The following NBEA variants were observed in gnomAD, a reference collection of about 807,000 sequenced individuals.
NBEA encodes neurobeachin.
A neutral mutation model predicts 343.4 loss-of-function variants in NBEA; 44 were observed. That is an observed-to-expected ratio of 0.13 (90% CI 0.10 to 0.16). NBEA has a LOEUF of 0.16. NBEA is among the 10% of genes least tolerant of loss of function. The pLI, the probability that NBEA is intolerant of heterozygous loss-of-function variation, is 1.00. For synonymous variants in NBEA, 1,175 were observed against 1,238.7 expected (o/e 0.95, Z 1.08); for missense variants, 2,555 against 3,631.3 (o/e 0.70, Z 7.62).
intron 38 of NBEA, among the ~76,000 whole-genome samples, chr13:35,358,700 A>G (rs997614573): frequency 1.3e-5 from 2 of 150,934 alleles, no homozygotes; most frequent in African/African-American, 4.9e-5. Context: ...CCTGGGCAAC[A>G]CAGCAAGACT....
chr13:35,396,230 C>G (rs898163268), intron 38 of NBEA, among the ~76,000 whole-genome samples: 6 of 151,888 alleles, frequency 4.0e-5, no homozygotes, highest in Admixed American at 3.3e-4. Flanking sequence ...TCTCTGCCTT[C>G]CAATTAGAAT....
At chr13:35,354,176 G>A (rs554614811) in intron 38 of NBEA, among the ~76,000 whole-genome samples, 59 of 152,274 alleles carry the variant, frequency 3.9e-4, no homozygotes, top group African/African-American at 1.4e-3. Context: ...TTATAGCCTA[G>A]CCAGGTTGAC....
At chr13:35,467,684 G>A (rs10161587) in intron 40 of NBEA, among the ~76,000 whole-genome samples, 37,985 of 151,952 alleles carry the variant, frequency 0.25, 4,819 homozygotes, top group South Asian at 0.35. Context: ...TCTAAATAAT[G>A]TCAGGATTTT....
chr13:35,082,012 A>C (rs1393088435), intron 10 of NBEA, among the ~76,000 whole-genome samples: 2 of 152,164 alleles, frequency 1.3e-5, no homozygotes, highest in Non-Finnish European at 2.9e-5. Flanking sequence ...GGTGTGCTGC[A>C]CCCATTAACT....
chr13:35,552,698 A>G (rs1267015180), intron 43 of NBEA, among the ~76,000 whole-genome samples: 1 of 152,152 alleles, frequency 6.6e-6, no homozygotes, highest in Admixed American at 6.5e-5. Flanking sequence ...ATATTTCTCA[A>G]TGACCATGAT....
chr13:35,351,146 C>T (rs2040176050), intron 37 of NBEA, among the ~76,000 whole-genome samples: 1 of 151,746 alleles, frequency 6.6e-6, no homozygotes. Flanking sequence ...TAGTGTATAT[C>T]AATAGATAAA....
chr13:35,629,486 A>G (rs1215299309), intron 49 of NBEA, among the ~76,000 whole-genome samples: 1 of 152,128 alleles, frequency 6.6e-6, no homozygotes, highest in Non-Finnish European at 1.5e-5. Context: ...TGATCCTTGG[A>G]CCCTTAGGGC....
At chr13:35,295,159 A>T in intron 35 of NBEA, among the ~76,000 whole-genome samples, 1 of 148,516 alleles carries the variant, frequency 6.7e-6, no homozygotes, top group Middle Eastern at 3.6e-3. Context: ...TAAATATAAT[A>T]TTTATTTGTT....
intron 48 of NBEA, among the ~76,000 whole-genome samples, chr13:35,624,814 T>C (rs536322974): frequency 3.4e-4 from 51 of 151,922 alleles, no homozygotes; most frequent in Non-Finnish European, 5.4e-4. Flanking sequence ...CACACACATA[T>C]CTAGACATGA....
chr13:35,104,230 C>G (rs1300607651), intron 11 of NBEA, among the ~76,000 whole-genome samples: 2 of 151,860 alleles, frequency 1.3e-5, no homozygotes, highest in Non-Finnish European at 2.9e-5. Context: ...TATATGATGC[C>G]TTATCACAGA....
intron 38 of NBEA, among the ~76,000 whole-genome samples, chr13:35,387,682 AG>A (rs1705606076): frequency 6.6e-6 from 1 of 152,156 alleles, no homozygotes; most frequent in Non-Finnish European, 1.5e-5. Context: ...ACTTTAAGTT[AG>A]CCTGAAAAGG....
At position 35,290,373 on chromosome 13, in the gene NBEA, C is replaced by T; in HGVS notation, c.5777-16C>T. The T allele has an allele frequency of 2.6e-6, 4 of 1,568,196 alleles. No homozygotes were observed. The African/African-American group carries it at 4.1e-5, about 16-fold the overall frequency. On this transcript the variant is annotated splice_polypyrimidine_tract_variant and intron_variant, in intron 34 of 58. Transcript: ENST00000379939. The stretch of plus-strand genomic sequence containing the variant: ...CCATTGTAATTTCATTTTGTTTTAA[C>T]CTTTCTTTGTTGTAGGCCTTGTTTG...
intron 35 of NBEA, among the ~76,000 whole-genome samples, chr13:35,300,411 T>A (rs1566586677): frequency 2.0e-5 from 3 of 152,126 alleles, no homozygotes; most frequent in Non-Finnish European, 4.4e-5. Flanking sequence ...TACCCAAGTT[T>A]GTTACAAAAA....
intron 39 of NBEA, among the ~76,000 whole-genome samples, chr13:35,449,158 A>G (rs756618640): frequency 2.6e-5 from 4 of 152,268 alleles, no homozygotes; most frequent in Admixed American, 6.5e-5. Flanking sequence ...TTGGTAAGCC[A>G]TGCTAAGAAG....
intron 34 of NBEA, among the ~76,000 whole-genome samples, chr13:35,235,556 A>C (rs2075186230): frequency 6.6e-6 from 1 of 152,218 alleles, no homozygotes; most frequent in African/African-American, 2.4e-5. Flanking sequence ...CAAGTTTTCT[A>C]GCCGCCAGAG....
chr13:35,206,977 G>A (rs1236239686), intron 31 of NBEA, among the ~76,000 whole-genome samples: 1 of 151,968 alleles, frequency 6.6e-6, no homozygotes, highest in Non-Finnish European at 1.5e-5. Flanking sequence ...AGATAGTTGA[G>A]AATTAAAGGT....
chr13:35,183,261 A>G (rs1164759459), intron 29 of NBEA, among the ~76,000 whole-genome samples: 1 of 152,010 alleles, frequency 6.6e-6, no homozygotes, highest in East Asian at 1.9e-4. Context: ...TGTTTATATC[A>G]AGGTTGTTTC....
At chr13:35,115,680 C>G (rs1225053598) in intron 13 of NBEA, among the ~76,000 whole-genome samples, 18 of 152,066 alleles carry the variant, frequency 1.2e-4, no homozygotes, top group Non-Finnish European at 1.9e-4. Context: ...TTATATCATG[C>G]ACAAAGCACA....
At chr13:35,058,641 A>G (rs1245045932) in intron 7 of NBEA, 76 bp from the exon 8 acceptor site, 1 of 1,128,188 alleles carries the variant, frequency 8.9e-7, no homozygotes, top group East Asian at 2.6e-5. Context: ...ATTCATGATA[A>G]TGAAGGCCGA....
Sources: allele counts gnomAD v4.1 joint callset (sites outside exome capture counted in the v4.1 genomes callset), GRCh38; gene constraint gnomAD v4.1.1; transcripts MANE v1.5; gene names NCBI Gene and HGNC (gene_info 2026-07-23, HGNC 2026-07-21).